LMO2: variants seen among roughly 807,000 people sequenced by gnomAD.
LMO2 encodes LIM domain only 2, also known as rhombotin-2.
In LMO2, 20 loss-of-function variants were observed where a neutral mutation model predicts 23.2. That is an observed-to-expected ratio of 0.86 (90% CI 0.61 to 1.25). The LOEUF is 1.25. LMO2 is among the 50% of genes most tolerant of loss of function. The pLI is 0.00. For synonymous variants in LMO2, 123 were observed against 130.2 expected, an observed-to-expected ratio of 0.94 and a Z score of 0.38; for missense variants, 270 against 315.3, an observed-to-expected ratio of 0.86 and a Z score of 1.09.
At chr11:33,865,058 GA>G (rs1413914158) in intron 4 of LMO2, 1 of 570,076 alleles carries the variant, frequency 1.8e-6, no homozygotes, top group Non-Finnish European at 3.2e-6. Flanking sequence ...AGGGCACCAA[GA>G]GGCATCAAAG....
Position 33,891,982 on chromosome 11 carries a change from C to A in LMO2, c.-523G>T, listed in dbSNP as rs1857566565. ...CCAGAGGCCCTTGTGAATAGCAAAG[C>A]CCACTTAACGGCTGAGGGCAGGTGG... On this transcript the variant is annotated 5_prime_UTR_variant, in exon 1 of 6. Coordinates refer to ENST00000257818, the MANE Select transcript of LMO2 (RefSeq NM_005574.4). 1 of 152,278 alleles carries A rather than the reference C, an allele frequency of 6.6e-6. No homozygotes were observed. The highest frequency in any genetic ancestry group is 2.4e-5 in the African/African-American group (1 of 41,434). 9.4% of individuals were successfully genotyped at this position (152,278 alleles called of 1,614,324 possible). A position where few individuals can be genotyped will look rare whatever the true frequency, so the allele number is the denominator to read the frequency against.
chr11:33,870,561 T>A, intron 2 of LMO2: 1 of 985,504 alleles, frequency 1.0e-6, no homozygotes, highest in Middle Eastern at 5.2e-4. Flanking sequence ...CTGCACGGGC[T>A]GGGGACGCCT....
chr11:33,861,202 C>A (rs774337779), intron 5 of LMO2, among the ~76,000 whole-genome samples: 2 of 152,212 alleles, frequency 1.3e-5, no homozygotes, highest in Non-Finnish European at 2.9e-5. Context: ...AATTTTCACT[C>A]GTGGCTGAAA....
chr11:33,862,033 C>A (rs1292911957), intron 5 of LMO2, among the ~76,000 whole-genome samples: 1 of 152,170 alleles, frequency 6.6e-6, no homozygotes, highest in Non-Finnish European at 1.5e-5. Context: ...CCTCTGGCAC[C>A]AAGAATTGGT....
intron 1 of LMO2, among the ~76,000 whole-genome samples, chr11:33,884,665 C>G (rs1857363586): frequency 6.6e-6 from 1 of 152,154 alleles, no homozygotes; most frequent in Non-Finnish European, 1.5e-5. Context: ...CAGGGGACAT[C>G]CAAGTCCTAG....
intron 1 of LMO2, among the ~76,000 whole-genome samples, chr11:33,883,710 A>G (rs1401337637): frequency 6.6e-6 from 1 of 152,210 alleles, no homozygotes; most frequent in Non-Finnish European, 1.5e-5. Context: ...TGAGCTATAC[A>G]TAGAGTGTTT....
chr11:33,869,917 G>C lies in LMO2; in HGVS notation c.-201C>G. 3 of 1,051,070 alleles carry C rather than the reference G, an allele frequency of 2.9e-6. No homozygotes were observed. Among genetic ancestry groups the C allele is most frequent in the Non-Finnish European group, 3.4e-6 (3 of 871,874 alleles). The allele number at this position is 1,051,070 out of a possible 1,614,324, so 65.1% of individuals were successfully genotyped here. On this transcript the variant is annotated 5_prime_UTR_variant, in exon 3 of 6. Coordinates refer to ENST00000257818, the MANE Select transcript of LMO2 (RefSeq NM_005574.4). The stretch of plus-strand genomic sequence containing the variant: ...GGAGGGGACCGTGCGTCTCTCTCCG[G>C]GCTTCCTCCTCTCTCGGGAAGGTCT...
chr11:33,881,514 A>C, intron 2 of LMO2: 1 of 406,274 alleles, frequency 2.5e-6, no homozygotes, highest in Non-Finnish European at 5.0e-6. Flanking sequence ...GTAGCAAGTC[A>C]TCTAGGCTCT....
intron 2 of LMO2, among the ~76,000 whole-genome samples, chr11:33,873,583 T>C (rs1198343813): frequency 2.0e-5 from 3 of 152,250 alleles, no homozygotes; most frequent in Non-Finnish European, 4.4e-5. Flanking sequence ...TATGAGGTGA[T>C]TGGGACATGT....
At chr11:33,867,381 T>C (rs369463229) in intron 4 of LMO2, among the ~76,000 whole-genome samples, 2 of 152,136 alleles carry the variant, frequency 1.3e-5, no homozygotes, top group African/African-American at 2.4e-5. Context: ...TGAGATGAGA[T>C]GGAGAAGTAA....
intron 4 of LMO2, 83 bp downstream of exon 4, chr11:33,869,263 G>A (rs1856908045): frequency 4.7e-6 from 5 of 1,057,712 alleles, no homozygotes; most frequent in East Asian, 5.8e-5. Context: ...GAGCCCCCTC[G>A]CGGGCCGCCC....
At chr11:33,878,000 T>C (rs1409754781) in intron 2 of LMO2, among the ~76,000 whole-genome samples, 1 of 152,188 alleles carries the variant, frequency 6.6e-6, no homozygotes, top group African/African-American at 2.4e-5. Context: ...GTCAACACCA[T>C]GCTCAAGAAT....
At chr11:33,881,637 A>G in intron 2 of LMO2, 187 bp downstream of exon 2, 1 of 342,906 alleles carries the variant, frequency 2.9e-6, no homozygotes, top group Admixed American at 4.1e-5. Flanking sequence ...CTCCAAGTTC[A>G]GATCACAATT....
At chr11:33,884,405 G>A (rs1191355031) in intron 1 of LMO2, among the ~76,000 whole-genome samples, 3 of 152,054 alleles carry the variant, frequency 2.0e-5, no homozygotes, top group African/African-American at 4.8e-5. Flanking sequence ...GGCTGAGTGG[G>A]TGGTGAGGGG....
intron 4 of LMO2, among the ~76,000 whole-genome samples, chr11:33,868,206 G>A (rs927871519): frequency 6.6e-6 from 1 of 152,118 alleles, no homozygotes; most frequent in African/African-American, 2.4e-5. Flanking sequence ...GGTAACTGAG[G>A]GTAAAACCCA....
intron 1 of LMO2, among the ~76,000 whole-genome samples, chr11:33,883,371 G>A (rs1857331748): frequency 6.6e-6 from 1 of 152,234 alleles, no homozygotes; most frequent in South Asian, 2.1e-4. Context: ...CATAGGCCAT[G>A]TATTTGCCAT....
In LMO2 at chr11:33,864,954, A is replaced by C. The variant is rs776045225; in HGVS notation, c.249-137T>G. On this transcript the variant is annotated intron_variant, in intron 4 of 5. Transcript: ENST00000257818. The surrounding 1 kb of genome is among the most constrained non-coding windows in gnomAD (Gnocchi z 4.8). ...CCTAAGGGAGAAGGGACAGGACAAC[A>C]CATCCCTTGGCCAGACTGCAGAGTC... 3.9e-6 allele frequency: 3 copies of C among 778,310 alleles called. No individual in the cohort carries two copies. Among genetic ancestry groups the C allele is most frequent in the Middle Eastern group, 2.2e-4 (1 of 4,506 alleles). 48.2% of individuals were successfully genotyped at this position (778,310 alleles called of 1,614,324 possible). A position where few individuals can be genotyped will look rare whatever the true frequency, so the allele number is the denominator to read the frequency against.
intron 1 of LMO2, among the ~76,000 whole-genome samples, chr11:33,887,632 C>T (rs779270297): frequency 6.6e-6 from 1 of 151,068 alleles, no homozygotes; most frequent in African/African-American, 2.4e-5. Context: ...GCAGCCTTGA[C>T]CTTCTGAGTT....
intron 1 of LMO2, among the ~76,000 whole-genome samples, chr11:33,891,346 AAC>A (rs57617009): frequency 0.021 from 2,565 of 125,004 alleles, 38 homozygotes; most frequent in African/African-American, 0.041. Context: ...TTGTTAGGCA[AAC>A]ACACACACAC....
Sources: gnomAD v4.1 joint callset for allele counts (sites outside exome capture counted in the v4.1 genomes callset) on GRCh38, gnomAD v4.1.1 for gene constraint, Gnocchi (gnomAD v3.1) non-coding constraint, MANE v1.5 for transcripts, NCBI Gene and HGNC (gene_info 2026-07-23, HGNC 2026-07-21) for gene names.